Variants in MYRIP observed in about 807,000 individuals in gnomAD.
The protein encoded by MYRIP is myosin VIIA and Rab interacting protein, also known as rab effector MyRIP.
MYRIP carries 49 observed loss-of-function variants against 98.0 expected under a neutral mutation model. The ratio of observed to expected loss-of-function variants is 0.50; its 90% CI spans 0.40 to 0.63. MYRIP has a LOEUF of 0.63. Among genes scored for constraint, MYRIP ranks in the 30% least tolerant of loss-of-function variants. The pLI, the probability that MYRIP is intolerant of heterozygous loss-of-function variation, is 0.00. For synonymous variants in MYRIP, 404 were observed against 409.5 expected (o/e 0.99, Z 0.16); for missense variants, 1,004 against 1,058.2 (o/e 0.95, Z 0.71).
intron 3 of MYRIP, chr3:40,099,979 C>G: frequency 1.0e-6 from 1 of 984,670 alleles, no homozygotes; most frequent in Admixed American, 6.1e-5. Flanking sequence ...GATTTCACAG[C>G]TCTCCGTCAC....
Position 40,037,259 on chromosome 3 carries a change from C to G in MYRIP, c.111-6791C>G, listed in dbSNP as rs535104559. On this transcript the variant is annotated intron_variant, in intron 2 of 16. Transcript: ENST00000302541. ...ATGACTTTTAATTCTGTCCTTTGTC[C>G]CGTACCTGTGAAGATAAGATGTTAA... is the stretch of plus-strand genomic sequence containing the variant. Among the ~76,000 whole-genome samples, 8 of 152,114 alleles carry G rather than the reference C, an allele frequency of 5.3e-5. No homozygotes were observed. The East Asian group carries it at 1.5e-3, about 29-fold the overall frequency.
At chr3:40,174,418 C>T (rs773557191) in intron 8 of MYRIP, 2 of 152,238 alleles carry the variant, frequency 1.3e-5, no homozygotes, top group Non-Finnish European at 2.9e-5. Flanking sequence ...ATCTTCCCCC[C>T]CATTCATACT....
Position 40,258,468 on chromosome 3 carries a change from G to C in MYRIP, c.*302G>C, listed in dbSNP as rs1365108184. The C allele has an allele frequency of 2.7e-6, 1 of 374,942 alleles. No homozygotes were observed. The highest frequency in any genetic ancestry group is 4.9e-6 in the Non-Finnish European group (1 of 204,876). The allele number at this position is 374,942 out of a possible 1,614,324, so 23.2% of individuals were successfully genotyped here. The stretch of plus-strand genomic sequence containing the variant: ...GATACATATTTTCCCTGTTTGCTTT[G>C]CTACTGTATGTTGACTTTAAGATCT... On this transcript the variant is annotated 3_prime_UTR_variant, in exon 17 of 17. Transcript: ENST00000302541.
intron 1 of MYRIP, among the ~76,000 whole-genome samples, chr3:39,842,427 A>G (rs1326282432): frequency 6.6e-6 from 1 of 152,118 alleles, no homozygotes; most frequent in East Asian, 1.9e-4. Context: ...GAGCTAGACC[A>G]CTTGGCTCCC....
At chr3:39,875,314 GA>G (rs1469577091) in intron 1 of MYRIP, among the ~76,000 whole-genome samples, 4 of 151,892 alleles carry the variant, frequency 2.6e-5, no homozygotes, top group African/African-American at 9.7e-5. Flanking sequence ...TTAATTTTTT[GA>G]AGGGTTTTTT....
chr3:40,134,653 C>T (rs1300934188), intron 3 of MYRIP, among the ~76,000 whole-genome samples: 1 of 152,202 alleles, frequency 6.6e-6, no homozygotes, highest in African/African-American at 2.4e-5. Context: ...GGACTGATGC[C>T]TCACACAGCC....
At chr3:39,867,609 C>T (rs1942662870) in intron 1 of MYRIP, among the ~76,000 whole-genome samples, 1 of 152,024 alleles carries the variant, frequency 6.6e-6, no homozygotes, top group Non-Finnish European at 1.5e-5. Flanking sequence ...TATCTTGTCA[C>T]CCCTATTAGG....
intron 2 of MYRIP, among the ~76,000 whole-genome samples, chr3:39,975,714 G>T (rs1281549952): frequency 6.6e-6 from 1 of 152,070 alleles, no homozygotes; most frequent in Non-Finnish European, 1.5e-5. Flanking sequence ...TAGACTAATG[G>T]AACAGAACAG....
rs565096759 is a variant in MYRIP at position 40,067,295 on chromosome 3, G to A, written c.332+23024G>A. Among the ~76,000 whole-genome samples the A allele has an allele frequency of 7.9e-5, 12 of 152,196 alleles. No homozygotes were observed. The East Asian group carries it at 2.3e-3, about 29-fold the overall frequency. Reference sequence around the variant, plus strand: ...CTACCCATGGGTGGATTTGAGCAAAGGCTGTGTGCAGTTGTAAAGCAAGAA... The same window carrying A: ...CTACCCATGGGTGGATTTGAGCAAAAGCTGTGTGCAGTTGTAAAGCAAGAA... On this transcript the variant is annotated intron_variant, in intron 3 of 16. Transcript: ENST00000302541.
At chr3:40,093,428 G>C (rs1315709878) in intron 3 of MYRIP, among the ~76,000 whole-genome samples, 1 of 152,166 alleles carries the variant, frequency 6.6e-6, no homozygotes, top group Non-Finnish European at 1.5e-5. Context: ...CCGAACAGGG[G>C]CTCAGATGTT....
intron 1 of MYRIP, among the ~76,000 whole-genome samples, chr3:39,875,792 T>C (rs1417652927): frequency 2.6e-5 from 4 of 151,700 alleles, no homozygotes; most frequent in Non-Finnish European, 5.9e-5. Context: ...AGGTGTGGTG[T>C]GGTGCTGAAA....
At chr3:40,071,207 C>T (rs531622428) in intron 3 of MYRIP, 1 of 985,230 alleles carries the variant, frequency 1.0e-6, no homozygotes, top group African/African-American at 1.7e-5. Flanking sequence ...TGCAGAAGTC[C>T]CTCAGGCCCA....
intron 2 of MYRIP, among the ~76,000 whole-genome samples, chr3:40,040,414 A>G (rs1947483705): frequency 1.7e-5 from 2 of 116,440 alleles, no homozygotes; most frequent in Non-Finnish European, 3.5e-5. Flanking sequence ...TGTGGAAGTC[A>G]GTGTGGCGAT....
Position 40,082,574 on chromosome 3 carries a change from G to A in MYRIP, c.332+38303G>A, listed in dbSNP as rs939644495. On this transcript the variant is annotated intron_variant, in intron 3 of 16. Transcript: ENST00000302541. ...CAACAAATCATCTCTCTAGCATTTA[G>A]TGTTCTGTGTGCTTTTCCTGTGATC... Among the ~76,000 whole-genome samples, 4 of 152,120 alleles carry A rather than the reference G, an allele frequency of 2.6e-5. No individual in the cohort carries two copies. The South Asian group carries it at 8.3e-4, about 31-fold the overall frequency.
At chr3:40,202,053 C>T (rs570685937) in intron 10 of MYRIP, among the ~76,000 whole-genome samples, 22 of 152,224 alleles carry the variant, frequency 1.4e-4, no homozygotes, top group Non-Finnish European at 2.9e-4. Flanking sequence ...GCCCTAGAGT[C>T]GTTTAACCTA....
At chr3:39,960,760 G>A (rs1320427884) in intron 2 of MYRIP, among the ~76,000 whole-genome samples, 2 of 152,172 alleles carry the variant, frequency 1.3e-5, no homozygotes, top group African/African-American at 2.4e-5. Context: ...GCTAATGAGG[G>A]AATCAAGGCA....
chr3:40,192,616 T>C lies in MYRIP; in HGVS notation c.1665+2153T>C, dbSNP rs569638494. Reference sequence around the variant, plus strand: ...CATGCTGTCCATATGCTTCCACTGCTTTCTCCTAACAGTAAGTGATAGAGG... The same window carrying C: ...CATGCTGTCCATATGCTTCCACTGCCTTCTCCTAACAGTAAGTGATAGAGG... On this transcript the variant is annotated intron_variant, in intron 10 of 16. Coordinates refer to ENST00000302541, the MANE Select transcript of MYRIP (RefSeq NM_015460.4). Among the ~76,000 whole-genome samples, 18 of 152,174 alleles carry C rather than the reference T, an allele frequency of 1.2e-4. 1 individual carries two copies. In the East Asian group the frequency reaches 3.5e-3, roughly 30 times the overall value.
At chr3:40,209,280 G>A (rs1488352214) in intron 10 of MYRIP, 1 of 152,500 alleles carries the variant, frequency 6.6e-6, no homozygotes, top group Non-Finnish European at 1.5e-5. Flanking sequence ...CTCCAGCCTG[G>A]GCAACACAAT....
At chr3:40,211,473 C>T (rs1951924928) in intron 11 of MYRIP, among the ~76,000 whole-genome samples, 1 of 152,156 alleles carries the variant, frequency 6.6e-6, no homozygotes, top group Admixed American at 6.5e-5. Flanking sequence ...ATCAAGTCCT[C>T]ACCCATAAAT....
Sources: gnomAD v4.1 joint callset for allele counts (sites outside exome capture counted in the v4.1 genomes callset) on GRCh38, gnomAD v4.1.1 for gene constraint, MANE v1.5 for transcripts, NCBI Gene and HGNC (gene_info 2026-07-23, HGNC 2026-07-21) for gene names.